The following NEK5 variants were observed in gnomAD, a reference collection of about 807,000 sequenced individuals.
The protein encoded by NEK5 is NIMA related kinase 5.
A neutral mutation model predicts 109.2 loss-of-function variants in NEK5; 88 were observed. That is an observed-to-expected ratio of 0.81 (90% CI 0.68 to 0.96). NEK5 has a LOEUF of 0.96. Ranked by LOEUF, NEK5 falls within the 40% of genes least tolerant of loss-of-function variation. The pLI is 0.00. For synonymous variants in NEK5, 283 were observed against 299.9 expected, an observed-to-expected ratio of 0.94 and a Z score of 0.58; for missense variants, 834 against 920.7, an observed-to-expected ratio of 0.91 and a Z score of 1.22.
At chr13:52,091,039 A>T (rs1175450967) in intron 13 of NEK5, among the ~76,000 whole-genome samples, 1 of 152,038 alleles carries the variant, frequency 6.6e-6, no homozygotes, top group South Asian at 2.1e-4. Flanking sequence ...AAAAAAAAAA[A>T]TCCTTTTCCT....
At chr13:52,106,463 T>C (rs1389756626) in intron 8 of NEK5, among the ~76,000 whole-genome samples, 1 of 152,126 alleles carries the variant, frequency 6.6e-6, no homozygotes, top group African/African-American at 2.4e-5. Context: ...TCTTGCAGTA[T>C]ACATTAGCAT....
intron 12 of NEK5, among the ~76,000 whole-genome samples, chr13:52,098,073 G>T (rs184850600): frequency 6.6e-6 from 1 of 151,894 alleles, no homozygotes; most frequent in African/African-American, 2.4e-5. Flanking sequence ...AGTTTCCTGC[G>T]GCCTCCCCAG....
At position 52,115,601 on chromosome 13, in the gene NEK5, CAAAAAAAAAAAAAAA is replaced by C. The variant is rs71088014; in HGVS notation, c.215-3251_215-3237del. ...CCTGGGTGACAGAGTGAGACTCCGT[CAAAAAAAAAAAAAAA>C]AAAAAAAAAAAGAAACTACTTAATG... On this transcript the variant is annotated intron_variant, in intron 4 of 23. Coordinates refer to ENST00000684899, the MANE Select transcript of NEK5 (RefSeq NM_001365552.1). Among the ~76,000 whole-genome samples the C allele has an allele frequency of 3.0e-4, 15 of 49,188 alleles. 1 individual carries two copies. Among genetic ancestry groups the C allele is most frequent in the African/African-American group, 1.4e-3 (14 of 9,720 alleles). The allele number at this position is 49,188 out of a possible 152,430, so 32.3% of individuals were successfully genotyped here.
chr13:52,090,489 T>C (rs981663525), intron 13 of NEK5, among the ~76,000 whole-genome samples: 2 of 152,194 alleles, frequency 1.3e-5, no homozygotes, highest in African/African-American at 4.8e-5. Context: ...GTGGGCATGG[T>C]ACCATTTCAC....
intron 21 of NEK5, chr13:52,065,033 C>A (rs1379381167): frequency 4.7e-5 from 11 of 234,542 alleles, no homozygotes; most frequent in Non-Finnish European, 7.5e-5. Flanking sequence ...CCTTTGTTCA[C>A]TTGTTTATCT....
chr13:52,123,539 G>A (rs1422304216), intron 3 of NEK5, among the ~76,000 whole-genome samples: 1 of 152,156 alleles, frequency 6.6e-6, no homozygotes, highest in African/African-American at 2.4e-5. Context: ...TAGAGCAAGA[G>A]GGCCTGAAAG....
intron 22 of NEK5, among the ~76,000 whole-genome samples, chr13:52,060,177 C>T (rs1186655215): frequency 2.6e-5 from 4 of 152,012 alleles, no homozygotes; most frequent in Admixed American, 2.0e-4. Flanking sequence ...CTTTTGGCTT[C>T]ATACTTCAGA....
intron 16 of NEK5, among the ~76,000 whole-genome samples, chr13:52,084,731 G>C (rs1222611175): frequency 2.4e-5 from 3 of 124,234 alleles, no homozygotes; most frequent in Non-Finnish European, 5.1e-5. Flanking sequence ...GAGAGAGAGA[G>C]AGTGAGAGAG....
At chr13:52,087,623 A>T (rs765937013) in intron 14 of NEK5, among the ~76,000 whole-genome samples, 169 bp from the exon 15 acceptor site, 19 of 152,100 alleles carry the variant, frequency 1.2e-4, no homozygotes, top group Non-Finnish European at 1.5e-4. Flanking sequence ...AAAGCATTAA[A>T]AAATATATAT....
chr13:52,115,979 C>T (rs1955850372), intron 4 of NEK5, among the ~76,000 whole-genome samples: 1 of 151,946 alleles, frequency 6.6e-6, no homozygotes, highest in African/African-American at 2.4e-5. Context: ...TGTTTGAGAC[C>T]AGCCTGGGCA....
At chr13:52,040,086 T>C (rs947040420) in intron 23 of NEK5, among the ~76,000 whole-genome samples, 35 of 122,852 alleles carry the variant, frequency 2.8e-4, no homozygotes, top group African/African-American at 9.4e-4. Flanking sequence ...TGGCACTTTT[T>C]TTTTTTTTTT....
intron 16 of NEK5, among the ~76,000 whole-genome samples, chr13:52,084,407 T>C (rs957704517): frequency 1.5e-4 from 23 of 152,140 alleles, no homozygotes; most frequent in African/African-American, 5.5e-4. Context: ...TTTGTACATA[T>C]GGAGTCTCAT....
chr13:52,084,760 A>AGTGT (rs1487694445), intron 16 of NEK5, among the ~76,000 whole-genome samples: 99 of 36,636 alleles, frequency 2.7e-3, no homozygotes, highest in South Asian at 4.6e-3. Context: ...AGAGAGAGAG[A>AGTGT]GAGTGTGTGT....
chr13:52,102,283 T>C lies in NEK5; in HGVS notation c.619A>G (p.Asn207Asp). 6.2e-7 allele frequency: 1 copy of C among 1,613,668 alleles called. No homozygotes were observed. Among genetic ancestry groups the C allele is most frequent in the Non-Finnish European group, 8.5e-7 (1 of 1,179,562 alleles). Reference sequence around the variant, plus strand: ...TTCAGAACCAGCTGCTGTAAGTTGTTACCCTCAAACTGAAAGGACAAGGAG... The same window carrying C: ...TTCAGAACCAGCTGCTGTAAGTTGTCACCCTCAAACTGAAAGGACAAGGAG... ...LCTLKHPFEGNNLQQLVLKIC... is the reference protein window; with the variant it reads ...LCTLKHPFEGDNLQQLVLKIC... The change falls in exon 10 of 24, where the codon AAC becomes GAC. Residue 207 changes from asparagine (N) to aspartate (D), a missense_variant. Asn to Asp is a conservative substitution (Grantham distance 23, BLOSUM62 1). Transcript: ENST00000684899.
rs146182601 is a variant in NEK5 at position 52,075,106 on chromosome 13, C to A, written c.1722+652G>T. On this transcript the variant is annotated intron_variant, in intron 19 of 23. Coordinates refer to ENST00000684899, the MANE Select transcript of NEK5 (RefSeq NM_001365552.1). ...AACTTAGAACTACTGTTCAACCCAG[C>A]AATCCCATTACTGGGTATATATCCA... Among the ~76,000 whole-genome samples, 496 of 152,328 alleles carry A rather than the reference C, an allele frequency of 3.3e-3. 3 individuals carry two copies. Among genetic ancestry groups the A allele is most frequent in the African/African-American group, 0.011 (473 of 41,572 alleles).
At chr13:52,055,270 G>A (rs1391994226) in intron 22 of NEK5, among the ~76,000 whole-genome samples, 12 of 152,176 alleles carry the variant, frequency 7.9e-5, no homozygotes, top group Non-Finnish European at 1.5e-4. Flanking sequence ...AAAGAAACGA[G>A]CAAAGCCTCC....
intron 21 of NEK5, among the ~76,000 whole-genome samples, chr13:52,063,723 C>T (rs1023427364): frequency 1.1e-4 from 14 of 131,436 alleles, no homozygotes; most frequent in Non-Finnish European, 5.2e-5. Context: ...TGCCCGGCCG[C>T]GACCCCGTCT....
chr13:52,111,039 G>C (rs1955749157), intron 5 of NEK5, among the ~76,000 whole-genome samples: 1 of 152,120 alleles, frequency 6.6e-6, no homozygotes, highest in Non-Finnish European at 1.5e-5. Context: ...GGGGATCTGT[G>C]AGGTTAGGAA....
At chr13:52,122,819 A>T (rs1283856432) in intron 3 of NEK5, among the ~76,000 whole-genome samples, 1 of 152,188 alleles carries the variant, frequency 6.6e-6, no homozygotes, top group Non-Finnish European at 1.5e-5. Context: ...AATAACTTAT[A>T]TACTTATACA....
Sources: gnomAD v4.1 joint callset for allele counts (sites outside exome capture counted in the v4.1 genomes callset) on GRCh38, gnomAD v4.1.1 for gene constraint, MANE v1.5 for transcripts, NCBI Gene and HGNC (gene_info 2026-07-23, HGNC 2026-07-21) for gene names.